The following CRYBB2 variants were observed in gnomAD, a reference collection of about 807,000 sequenced individuals.
The protein encoded by CRYBB2 is beta-crystallin B2.
In CRYBB2, 12 loss-of-function variants were observed where a neutral mutation model predicts 24.3. The observed-to-expected ratio is 0.49, with a 90% confidence interval of 0.32 to 0.80. The LOEUF (loss-of-function observed/expected upper bound fraction) is 0.80. CRYBB2 is among the 30% of genes least tolerant of loss of function. The pLI is 0.04. For synonymous variants in CRYBB2, 98 were observed against 101.6 expected (o/e 0.96, Z 0.21); for missense variants, 198 against 268.5 (o/e 0.74, Z 1.83).
chr22:25,215,240 C>A (rs956591411), upstream of CRYBB2, among the ~76,000 whole-genome samples: 1 of 152,242 alleles, frequency 6.6e-6, no homozygotes, highest in Non-Finnish European at 1.5e-5. Context: ...GCAAGGAACA[C>A]CTGGCCCGCC....
At chr22:25,221,525 C>A in intron 2 of CRYBB2, 42 bp downstream of exon 2, 2 of 1,495,434 alleles carry the variant, frequency 1.3e-6, no homozygotes. Context: ...TGCTCCTCCC[C>A]CAGACTTAGT....
At chr22:25,215,571 G>GA (rs397758083), upstream of CRYBB2, among the ~76,000 whole-genome samples, 1 of 151,754 alleles carries the variant, frequency 6.6e-6, no homozygotes, top group Non-Finnish European at 1.5e-5. Context: ...AGCGCCACTG[G>GA]TTAGGGTCTC....
chr22:25,218,816 A>AAGAAAGAAAGAAAG (rs1935264303), upstream of CRYBB2, among the ~76,000 whole-genome samples: 3 of 135,962 alleles, frequency 2.2e-5, no homozygotes, highest in South Asian at 2.7e-4. Flanking sequence ...GAAAGAAAGA[A>AAGAAAGAAAGAAAG]AGAAAGAAAG....
chr22:25,218,751 GA>G (rs1935239165), upstream of CRYBB2, among the ~76,000 whole-genome samples: 3 of 30,366 alleles, frequency 9.9e-5, no homozygotes, highest in Non-Finnish European at 1.8e-4. Flanking sequence ...GAGAGAGAGA[GA>G]GAGAGAGAGA....
chr22:25,221,635 A>G lies in CRYBB2; in HGVS notation c.54+152A>G, dbSNP rs739315. ...CAGTCTCCTCTACCCACACAGTTGG[A>G]GCTGATACTGAAAGTCCCTCCCCAG... On this transcript the variant is annotated intron_variant, in intron 2 of 5. Coordinates refer to ENST00000398215, the MANE Select transcript of CRYBB2 (RefSeq NM_000496.3). 273,716 of 645,064 alleles carry G rather than the reference A, an allele frequency of 0.42. 59,497 individuals are homozygous for G. Among genetic ancestry groups the G allele is most frequent in the East Asian group, 0.5 (17,945 of 35,610 alleles). The allele number at this position is 645,064 out of a possible 1,614,324, so 40.0% of individuals were successfully genotyped here. A position where few individuals can be genotyped will look rare whatever the true frequency, so the allele number is the denominator to read the frequency against.
upstream of CRYBB2, among the ~76,000 whole-genome samples, chr22:25,219,351 G>A (rs962378134): frequency 1.9e-4 from 28 of 151,074 alleles, no homozygotes; most frequent in Non-Finnish European, 2.1e-4. Context: ...CTGACTGACC[G>A]TACCAGTGAA....
At chr22:25,221,527 A>G (rs781567966) in intron 2 of CRYBB2, 44 bp downstream of exon 2, 2 of 1,466,834 alleles carry the variant, frequency 1.4e-6, no homozygotes, top group Non-Finnish European at 1.9e-6. Flanking sequence ...CTCCTCCCCC[A>G]GACTTAGTTG....
At chr22:25,216,862 A>G (rs1485595401), upstream of CRYBB2, among the ~76,000 whole-genome samples, 3 of 152,186 alleles carry the variant, frequency 2.0e-5, no homozygotes, top group African/African-American at 7.2e-5. Context: ...TAACTTATGT[A>G]AGTGGAATCA....
intron 4 of CRYBB2, among the ~76,000 whole-genome samples, chr22:25,228,772 G>A (rs1935469297): frequency 6.6e-6 from 1 of 152,258 alleles, no homozygotes; most frequent in Non-Finnish European, 1.5e-5. Context: ...ATGTCTGAGG[G>A]ATAAGGGTTT....
chr22:25,218,208 G>A (rs543608833), upstream of CRYBB2, among the ~76,000 whole-genome samples: 42 of 151,354 alleles, frequency 2.8e-4, no homozygotes, highest in South Asian at 6.3e-4. Context: ...GCAGTGAGCT[G>A]AGATCGTGCC....
At chr22:25,217,311 G>GTTAT (rs1314535337), upstream of CRYBB2, among the ~76,000 whole-genome samples, 4 of 151,402 alleles carry the variant, frequency 2.6e-5, no homozygotes, top group Non-Finnish European at 4.4e-5. Context: ...TTTATTTTAT[G>GTTAT]TTATTTATTT....
At chr22:25,218,777 GAGAAGAAAGAAAGA>G (rs1935250449), upstream of CRYBB2, among the ~76,000 whole-genome samples, 2 of 26,076 alleles carry the variant, frequency 7.7e-5, no homozygotes, top group South Asian at 1.6e-3. Context: ...GAGAGAGAGA[GAGAAGAAAGAAAGA>G]AAGAAAGAAA....
At chr22:25,230,035 C>T (rs1293282907) in intron 5 of CRYBB2, among the ~76,000 whole-genome samples, 1 of 151,948 alleles carries the variant, frequency 6.6e-6, no homozygotes, top group Non-Finnish European at 1.5e-5. Flanking sequence ...CTGGGCACAT[C>T]GACCCTGGCC....
chr22:25,222,474 A>G (rs113645148), intron 2 of CRYBB2, among the ~76,000 whole-genome samples: 171 of 152,316 alleles, frequency 1.1e-3, no homozygotes, highest in African/African-American at 4.0e-3. Context: ...GGAAGCGGCT[A>G]TATGAAAATT....
At chr22:25,227,452 C>T (rs2146091901) in intron 3 of CRYBB2, among the ~76,000 whole-genome samples, 1 of 151,732 alleles carries the variant, frequency 6.6e-6, no homozygotes, top group East Asian at 1.9e-4. Context: ...TTGAAATCTG[C>T]CACAGTGGGA....
At chr22:25,221,676 C>A (rs987142570) in intron 2 of CRYBB2, among the ~76,000 whole-genome samples, 193 bp downstream of exon 2, 2 of 152,268 alleles carry the variant, frequency 1.3e-5, no homozygotes, top group Non-Finnish European at 2.9e-5. Flanking sequence ...AGCTGGCATG[C>A]TGGGATTCCC....
intron 1 of CRYBB2, among the ~76,000 whole-genome samples, chr22:25,214,331 C>A (rs1935140832): frequency 6.6e-6 from 1 of 152,200 alleles, no homozygotes; most frequent in Non-Finnish European, 1.5e-5. Flanking sequence ...GAGCAAGACC[C>A]TATCTCAAAT....
At chr22:25,212,547 C>T (rs1935118776), upstream of CRYBB2, among the ~76,000 whole-genome samples, 2 of 152,240 alleles carry the variant, frequency 1.3e-5, no homozygotes, top group Admixed American at 6.5e-5. Flanking sequence ...TGGCCATTTC[C>T]TGTTGCTAGC....
chr22:25,222,690 C>T (rs1300203261), intron 2 of CRYBB2, among the ~76,000 whole-genome samples: 6 of 152,324 alleles, frequency 3.9e-5, no homozygotes, highest in Middle Eastern at 3.4e-3. Context: ...AAGCAAGAAG[C>T]TCTGTCCACT....
Sources: gnomAD v4.1 joint callset for allele counts (sites outside exome capture counted in the v4.1 genomes callset) on GRCh38, gnomAD v4.1.1 for gene constraint, MANE v1.5 for transcripts, NCBI Gene and HGNC (gene_info 2026-07-23, HGNC 2026-07-21) for gene names.